LYRM4: variants seen among roughly 807,000 people sequenced by gnomAD.
LYRM4 encodes LYR motif containing 4.
In LYRM4, 9 loss-of-function variants were observed where a neutral mutation model predicts 11.7. The ratio of observed to expected loss-of-function variants is 0.77; its 90% CI spans 0.46 to 1.34. The LOEUF is 1.34. LYRM4 is among the 40% of genes most tolerant of loss of function. The pLI is 0.00. For synonymous variants in LYRM4, 42 were observed against 40.4 expected, an observed-to-expected ratio of 1.04 and a Z score of -0.15; for missense variants, 133 against 112.5, an observed-to-expected ratio of 1.18 and a Z score of -0.82.
the LYRM4 span, among the ~76,000 whole-genome samples, chr6:5,072,679 C>T: frequency 3.3e-5 from 5 of 150,534 alleles, no homozygotes; most frequent in African/African-American, 4.9e-5. Context: ...TGTGGTAGAA[C>T]GCAGATGTGG....
chr6:5,050,139 A>G, the LYRM4 span, among the ~76,000 whole-genome samples: 100 of 152,380 alleles, frequency 6.6e-4, no homozygotes, highest in Non-Finnish European at 7.9e-4. Flanking sequence ...GATCTCTCAA[A>G]TGTAACTATT....
chr6:5,214,697 C>G (rs1220349977), intron 2 of LYRM4, among the ~76,000 whole-genome samples: 1 of 152,208 alleles, frequency 6.6e-6, no homozygotes, highest in Non-Finnish European at 1.5e-5. Flanking sequence ...GCAACTTACG[C>G]CAGCTTGCAG....
At chr6:5,136,198 G>GGTGGGCAAGTATCCTTTTGCCCT in intron 2 of LYRM4, 2 of 797,798 alleles carry the variant, frequency 2.5e-6, no homozygotes, top group South Asian at 1.1e-4. Flanking sequence ...TCTGAACACT[G>GGTGGGCAAGTATCCTTTTGCCCT]GTGGGCAAGT....
intron 1 of LYRM4, among the ~76,000 whole-genome samples, chr6:5,221,579 G>A (rs1448422276): frequency 6.6e-6 from 1 of 152,218 alleles, no homozygotes; most frequent in East Asian, 1.9e-4. Flanking sequence ...TGTAATCCCA[G>A]CTACCTGGGA....
the LYRM4 span, among the ~76,000 whole-genome samples, chr6:5,081,146 G>GGCA: frequency 2.3e-5 from 3 of 130,574 alleles, no homozygotes; most frequent in Non-Finnish European, 3.2e-5. Flanking sequence ...GGGGGGGGGG[G>GGCA]GGGGTAGACT....
chr6:5,177,529 T>A (rs10458085), intron 2 of LYRM4, among the ~76,000 whole-genome samples: 1 of 152,202 alleles, frequency 6.6e-6, no homozygotes. Context: ...TGAATTGACC[T>A]CTAGACCCAG....
At chr6:5,232,705 C>G (rs1763311482) in intron 1 of LYRM4, among the ~76,000 whole-genome samples, 1 of 152,206 alleles carries the variant, frequency 6.6e-6, no homozygotes, top group Non-Finnish European at 1.5e-5. Flanking sequence ...CTAAAAACCT[C>G]AGGGATCAGA....
At chr6:5,117,028 C>A (rs993854946) in intron 2 of LYRM4, among the ~76,000 whole-genome samples, 1 of 152,156 alleles carries the variant, frequency 6.6e-6, no homozygotes, top group African/African-American at 2.4e-5. Flanking sequence ...GGCTGGAATC[C>A]CTACTCCTGC....
At chr6:5,245,906 C>T (rs1472103678) in intron 1 of LYRM4, among the ~76,000 whole-genome samples, 2 of 152,044 alleles carry the variant, frequency 1.3e-5, no homozygotes, top group African/African-American at 2.4e-5. Context: ...CAATACCATC[C>T]CCAAATGGGA....
the LYRM4 span, among the ~76,000 whole-genome samples, chr6:5,051,676 C>A: frequency 1.3e-5 from 2 of 152,120 alleles, no homozygotes; most frequent in African/African-American, 4.8e-5. Flanking sequence ...GACCTGCTGT[C>A]TTAGTCTGTT....
chr6:5,127,864 A>C (rs1581332046), intron 2 of LYRM4, among the ~76,000 whole-genome samples: 1 of 152,196 alleles, frequency 6.6e-6, no homozygotes, highest in Admixed American at 6.5e-5. Context: ...ACCTGTGATA[A>C]AAACAACATT....
chr6:5,062,283 A>T, the LYRM4 span, among the ~76,000 whole-genome samples: 2 of 143,052 alleles, frequency 1.4e-5, no homozygotes, highest in South Asian at 2.2e-4. Flanking sequence ...TTATATGTTG[A>T]TAATATTTAT....
intron 1 of LYRM4, among the ~76,000 whole-genome samples, chr6:5,223,836 C>T (rs1459903889): frequency 6.6e-6 from 1 of 152,176 alleles, no homozygotes; most frequent in Non-Finnish European, 1.5e-5. Flanking sequence ...GAGATCAAAG[C>T]TTCGGGTTTT....
intron 2 of LYRM4, among the ~76,000 whole-genome samples, chr6:5,182,640 T>C (rs560659276): frequency 2.0e-5 from 3 of 152,336 alleles, no homozygotes; most frequent in South Asian, 2.1e-4. Flanking sequence ...ACAATGACTT[T>C]AGGAGAGCCC....
intron 2 of LYRM4, among the ~76,000 whole-genome samples, chr6:5,203,201 C>T (rs1311513732): frequency 6.6e-6 from 1 of 152,210 alleles, no homozygotes; most frequent in Non-Finnish European, 1.5e-5. Flanking sequence ...GAAATACAGG[C>T]TGAGATGGGT....
intron 2 of LYRM4, among the ~76,000 whole-genome samples, chr6:5,191,340 C>T (rs1760740903): frequency 6.6e-6 from 1 of 152,196 alleles, no homozygotes; most frequent in Non-Finnish European, 1.5e-5. Flanking sequence ...GGATGATTGT[C>T]ACAGGCAGCT....
the LYRM4 span, chr6:5,086,533 C>T: frequency 6.5e-7 from 1 of 1,530,180 alleles, no homozygotes; most frequent in Non-Finnish European, 8.8e-7. Context: ...CTACACGCTG[C>T]GCTACGCGCG....
At chr6:5,085,464 A>T in the LYRM4 span, 9 of 1,510,184 alleles carry the variant, frequency 6.0e-6, no homozygotes, top group Non-Finnish European at 8.0e-6. Context: ...CGGCCCGAGC[A>T]AGTCCAGGGG....
chr6:5,157,835 G>A (rs556007432), intron 2 of LYRM4, among the ~76,000 whole-genome samples: 1 of 152,340 alleles, frequency 6.6e-6, no homozygotes. Context: ...AGCCAGAGTA[G>A]GGTAACATGA....
Sources: allele counts gnomAD v4.1 joint callset (sites outside exome capture counted in the v4.1 genomes callset), GRCh38; gene constraint gnomAD v4.1.1; transcripts MANE v1.5; gene names NCBI Gene and HGNC (gene_info 2026-07-23, HGNC 2026-07-21).